Variants in RAX2 observed in about 807,000 individuals in gnomAD.
RAX2 encodes the protein retina and anterior neural fold homeobox protein 2.
In RAX2, 4 loss-of-function variants were observed where a neutral mutation model predicts 5.8. That is an observed-to-expected ratio of 0.69 (90% CI 0.34 to 1.58). The LOEUF (loss-of-function observed/expected upper bound fraction) is 1.58. Ranked by LOEUF, RAX2 falls within the 40% of genes most tolerant of loss-of-function variation. RAX2 has a pLI of 0.05. For synonymous variants in RAX2, 133 were observed against 128.8 expected (o/e 1.03, Z -0.22); for missense variants, 275 against 271.4 (o/e 1.01, Z -0.09).
Position 3,771,044 on chromosome 19 carries a change from C to T in RAX2, c.217-85G>A. On this transcript the variant is annotated intron_variant, in intron 2 of 2. Coordinates refer to ENST00000555633, the MANE Select transcript of RAX2 (RefSeq NM_001319074.4). This position sits in a 1 kb window ranked among gnomAD's most constrained non-coding sequence, Gnocchi z 4.2. ...CGGACCCCCTCTGCACACCCCAGCC[C>T]TGGGGGTTCTGACTCCCGTCTGACC... is the stretch of plus-strand genomic sequence containing the variant. The T allele has an allele frequency of 2.8e-6, 3 of 1,080,112 alleles. No individual in the cohort carries two copies. The highest frequency in any genetic ancestry group is 4.1e-6 in the Non-Finnish European group (3 of 736,826). 66.9% of individuals were successfully genotyped at this position (1,080,112 alleles called of 1,614,324 possible). A position where few individuals can be genotyped will look rare whatever the true frequency, so the allele number is the denominator to read the frequency against.
chr19:3,771,827 C>T lies in RAX2; in HGVS notation c.-85G>A. The T allele has an allele frequency of 6.8e-7, 1 of 1,478,118 alleles. No individual in the cohort carries two copies. The highest frequency in any genetic ancestry group is 9.0e-7 in the Non-Finnish European group (1 of 1,115,388). 91.6% of individuals were successfully genotyped at this position (1,478,118 alleles called of 1,614,324 possible). ...CCGGCAGGGACAGGGCAGGGGAGCC[C>T]CAGGCTTGCCTCCCGGCTCCGGGGA... On this transcript the variant is annotated 5_prime_UTR_variant, in exon 2 of 3. The change creates a premature stop within an existing upstream ORF in the 5' untranslated region. Coordinates refer to ENST00000555633, the MANE Select transcript of RAX2 (RefSeq NM_001319074.4). This position sits in a 1 kb window ranked among gnomAD's most constrained non-coding sequence, Gnocchi z 4.2.
At chr19:3,770,991 G>A in intron 2 of RAX2, 32 bp from the exon 3 acceptor site, 2 of 1,497,918 alleles carry the variant, frequency 1.3e-6, no homozygotes, top group Non-Finnish European at 9.0e-7. Context: ...GGGGGTTGCT[G>A]TGAGCTCAGC....
rs748592898 is a variant in RAX2, at chr19:3,770,592, C to T, written c.*29G>A. ...CACGTCCCCGGTTCTCGGGTTGGGC[C>T]GAGGAGGGGGCCCGGGAGGGCGGCA... is the stretch of plus-strand genomic sequence containing the variant. On this transcript the variant is annotated 3_prime_UTR_variant, in exon 3 of 3. Transcript: ENST00000555633. 2.2e-5 allele frequency: 34 copies of T among 1,525,278 alleles called. No individual in the cohort carries two copies. Among genetic ancestry groups the T allele is most frequent in the Middle Eastern group, 2.2e-4 (1 of 4,454 alleles). 94.5% of individuals were successfully genotyped at this position (1,525,278 alleles called of 1,614,324 possible). A position where few individuals can be genotyped will look rare whatever the true frequency, so the allele number is the denominator to read the frequency against.
In RAX2 at chr19:3,770,750, C is replaced by T; in HGVS notation, c.426G>A (p.Leu142=). The T allele has an allele frequency of 6.5e-7, 1 of 1,531,884 alleles. No homozygotes were observed. The highest frequency in any genetic ancestry group is 8.7e-7 in the Non-Finnish European group (1 of 1,145,022). 94.9% of individuals were successfully genotyped at this position (1,531,884 alleles called of 1,614,324 possible). The change falls in exon 3 of 3, where the codon CTG becomes CTA. Residue 142 remains leucine (L), a synonymous_variant. Coordinates refer to ENST00000555633, the MANE Select transcript of RAX2 (RefSeq NM_001319074.4). ...AGGCATGAGGCCCGAAGGACGCTTG[C>T]AGCCCCGGGCCCGGGCCCAGGAGGC... The part of the protein sequence containing the change: ...LPRLLGPGPG[L]QASFGPHAFA...
At chr19:3,772,102 G>A in intron 1 of RAX2, 61 bp downstream of exon 1, 2 of 464,138 alleles carry the variant, frequency 4.3e-6, no homozygotes, top group Non-Finnish European at 8.4e-6. Context: ...CCTCCACCCT[G>A]AGGGGATCTC....
Position 3,771,404 on chromosome 19 carries a change from C to G in RAX2, c.216+123G>C. On this transcript the variant is annotated intron_variant, in intron 2 of 2. Transcript: ENST00000555633. The surrounding 1 kb of genome is among the most constrained non-coding windows in gnomAD (Gnocchi z 4.2). ...ACTCAAATGTCAAAACCTCAGCTCCCACACCCCCTCCTCCAGGAAGCCTTC... is the reference window on the plus strand; with the variant it reads ...ACTCAAATGTCAAAACCTCAGCTCCGACACCCCCTCCTCCAGGAAGCCTTC... 1 of 805,124 alleles carries G rather than the reference C, an allele frequency of 1.2e-6. No homozygotes were observed. Among genetic ancestry groups the G allele is most frequent in the South Asian group, 1.5e-5 (1 of 65,222 alleles). 49.9% of individuals were successfully genotyped at this position (805,124 alleles called of 1,614,324 possible).
intron 2 of RAX2, 38 bp from the exon 3 acceptor site, chr19:3,770,997 TCA>T: frequency 6.8e-7 from 1 of 1,469,846 alleles, no homozygotes; most frequent in Non-Finnish European, 9.2e-7. Context: ...TGCTGTGAGC[TCA>T]GCCGCTCCCC....
In RAX2 at chr19:3,771,922, G is replaced by T; in HGVS notation, c.-180C>A. The T allele has an allele frequency of 8.7e-7, 1 of 1,155,328 alleles. No homozygotes were observed. Among genetic ancestry groups the T allele is most frequent in the Non-Finnish European group, 1.2e-6 (1 of 843,300 alleles). 71.6% of individuals were successfully genotyped at this position (1,155,328 alleles called of 1,614,324 possible). ...GGCTGTCCTCCTCGGGCTTGGGGGG[G>T]TCTCCTGCTGTGCCTCTGTCTGCTC... is the stretch of plus-strand genomic sequence containing the variant. On this transcript the variant is annotated 5_prime_UTR_variant, in exon 2 of 3. Coordinates refer to ENST00000555633, the MANE Select transcript of RAX2 (RefSeq NM_001319074.4). The surrounding 1 kb of genome is among the most constrained non-coding windows in gnomAD (Gnocchi z 4.2).
At position 3,772,028 on chromosome 19, in the gene RAX2, G is replaced by GGA; in HGVS notation, c.-268-19_-268-18insTC. 2.0e-6 allele frequency: 1 copy of GGA among 489,728 alleles called. No homozygotes were observed. The highest frequency in any genetic ancestry group is 2.0e-5 in the South Asian group (1 of 49,786). 30.3% of individuals were successfully genotyped at this position (489,728 alleles called of 1,614,324 possible). On this transcript the variant is annotated intron_variant, in intron 1 of 2. Transcript: ENST00000555633. Reference sequence around the variant, plus strand: ...GTCACGGCCTGTGTGTGTGTGTGTCGGCGGGGGGGGGTCAAGGATGCCCCC... The same window carrying GGA: ...GTCACGGCCTGTGTGTGTGTGTGTCGGAGCGGGGGGGGGTCAAGGATGCCCCC...
rs2037261134 is a variant in RAX2 at position 3,771,541 on chromosome 19, CAGGT to C, written c.198_201del (p.Pro67ArgfsTer146). The C allele has an allele frequency of 6.2e-7, 1 of 1,603,428 alleles. No individual in the cohort carries two copies. Among genetic ancestry groups the C allele is most frequent in the Admixed American group, 1.7e-5 (1 of 58,056 alleles). ...GGTGCCCTCACCTGCACGCGCACCT[CAGGT>C]AGGTGCACCTTGGCTGCCAGCTCCT... is the stretch of plus-strand genomic sequence containing the variant. On this transcript the variant is annotated frameshift_variant, in exon 2 of 3. Transcript: ENST00000555633. LOFTEE classifies it low-confidence loss of function (END_TRUNC). The surrounding 1 kb of genome is among the most constrained non-coding windows in gnomAD (Gnocchi z 4.2).
chr19:3,772,036 G>GGA lies in RAX2; in HGVS notation c.-268-27_-268-26insTC, dbSNP rs1413639155. 9.7e-4 allele frequency: 495 copies of GGA among 512,480 alleles called. 7 individuals carry two copies. The highest frequency in any genetic ancestry group is 9.2e-4 in the Non-Finnish European group (256 of 279,470). The allele number at this position is 512,480 out of a possible 1,614,324, so 31.7% of individuals were successfully genotyped here. A position where few individuals can be genotyped will look rare whatever the true frequency, so the allele number is the denominator to read the frequency against. ...CTGTGTGTGTGTGTGTCGGCGGGGGGGGGTCAAGGATGCCCCCCCGTCAAG... is the reference window on the plus strand; with the variant it reads ...CTGTGTGTGTGTGTGTCGGCGGGGGGGAGGGTCAAGGATGCCCCCCCGTCAAG... On this transcript the variant is annotated intron_variant, in intron 1 of 2. Transcript: ENST00000555633.
Position 3,770,696 on chromosome 19 carries a change from G to T in RAX2, c.480C>A (p.Ala160=). ...AFAPTFADGF[A]LEEASLRLLA... is the part of the protein sequence containing the mutation. The stretch of plus-strand genomic sequence containing the variant: ...GCAGCCGCAGGGACGCCTCCTCCAG[G>T]GCGAAGCCATCTGCGAAGGTGGGAG... The change falls in exon 3 of 3, where the codon GCC becomes GCA. Residue 160 remains alanine, a synonymous_variant. Coordinates refer to ENST00000555633, the MANE Select transcript of RAX2 (RefSeq NM_001319074.4). 1 of 1,535,828 alleles carries T rather than the reference G, an allele frequency of 6.5e-7. No homozygotes were observed. Among genetic ancestry groups the T allele is most frequent in the African/African-American group, 1.4e-5 (1 of 73,092 alleles).
rs532025456 is a variant in RAX2 at position 3,771,856 on chromosome 19, C to T, written c.-114G>A. 1.9e-5 allele frequency: 27 copies of T among 1,457,042 alleles called. No homozygotes were observed. In the African/African-American group the frequency reaches 3.0e-4, roughly 16 times the overall value. The allele number at this position is 1,457,042 out of a possible 1,614,324, so 90.3% of individuals were successfully genotyped here. On this transcript the variant is annotated 5_prime_UTR_variant, in exon 2 of 3. Coordinates refer to ENST00000555633, the MANE Select transcript of RAX2 (RefSeq NM_001319074.4). This position sits in a 1 kb window ranked among gnomAD's most constrained non-coding sequence, Gnocchi z 4.2. ...GCTTGCCTCCCGGCTCCGGGGAAATCGGTTCCCTCCACTGGGGCCGGCATG... is the reference window on the plus strand; with the variant it reads ...GCTTGCCTCCCGGCTCCGGGGAAATTGGTTCCCTCCACTGGGGCCGGCATG...
rs778410291 is a variant in RAX2, at chr19:3,770,613, C to T, written c.*8G>A. 54 of 1,531,140 alleles carry T rather than the reference C, an allele frequency of 3.5e-5. 1 individual carries two copies. The highest frequency in any genetic ancestry group is 1.1e-4 in the South Asian group (9 of 83,864). 94.8% of individuals were successfully genotyped at this position (1,531,140 alleles called of 1,614,324 possible). On this transcript the variant is annotated 3_prime_UTR_variant, in exon 3 of 3. Transcript: ENST00000555633. The stretch of plus-strand genomic sequence containing the variant: ...GGGCCGAGGAGGGGGCCCGGGAGGG[C>T]GGCAGGCTCAGGCTGGCGGCCAGGC...
In RAX2 at chr19:3,771,346, A is replaced by T. The variant is rs1386707957; in HGVS notation, c.216+181T>A. Among the ~76,000 whole-genome samples, 1 of 148,510 alleles carries T rather than the reference A, an allele frequency of 6.7e-6. No individual in the cohort carries two copies. The highest frequency in any genetic ancestry group is 2.5e-5 in the African/African-American group (1 of 39,990). ...CACACTGTTCAGGATGCCTAGAAAA[A>T]CTCCCCTTTTCCTTCCCAGCTGGCA... On this transcript the variant is annotated intron_variant, in intron 2 of 2. Transcript: ENST00000555633. This position sits in a 1 kb window ranked among gnomAD's most constrained non-coding sequence, Gnocchi z 4.2.
Position 3,770,557 on chromosome 19 carries a change from G to T in RAX2, c.*64C>A. The T allele has an allele frequency of 6.9e-7, 1 of 1,442,142 alleles. No homozygotes were observed. The highest frequency in any genetic ancestry group is 2.0e-5 in the Admixed American group (1 of 49,166). The allele number at this position is 1,442,142 out of a possible 1,614,324, so 89.3% of individuals were successfully genotyped here. On this transcript the variant is annotated 3_prime_UTR_variant, in exon 3 of 3. Coordinates refer to ENST00000555633, the MANE Select transcript of RAX2 (RefSeq NM_001319074.4). Reference sequence around the variant, plus strand: ...CGGCCTAGGCCAAGGCGTGGTGGCTGTCACCAGGGCACGTCCCCGGTTCTC... The same window carrying T: ...CGGCCTAGGCCAAGGCGTGGTGGCTTTCACCAGGGCACGTCCCCGGTTCTC...
chr19:3,770,300 C>A lies in RAX2; in HGVS notation c.*321G>T. The A allele has an allele frequency of 2.4e-6, 1 of 417,946 alleles. No individual in the cohort carries two copies. Among genetic ancestry groups the A allele is most frequent in the Non-Finnish European group, 4.3e-6 (1 of 234,256 alleles). 25.9% of individuals were successfully genotyped at this position (417,946 alleles called of 1,614,324 possible). A position where few individuals can be genotyped will look rare whatever the true frequency, so the allele number is the denominator to read the frequency against. On this transcript the variant is annotated 3_prime_UTR_variant, in exon 3 of 3. Coordinates refer to ENST00000555633, the MANE Select transcript of RAX2 (RefSeq NM_001319074.4). ...AGCCCTCGAACCTCGGAGGCCCCCACGCCCAATTAACAGACAGGAGACTGA... is the reference window on the plus strand; with the variant it reads ...AGCCCTCGAACCTCGGAGGCCCCCAAGCCCAATTAACAGACAGGAGACTGA...
At position 3,771,566 on chromosome 19, in the gene RAX2, C is replaced by A. The variant is rs569526421; in HGVS notation, c.177G>T (p.Glu59Asp). Reference protein sequence around the residue: ...SHYPDVYSREELAAKVHLPEV... With the variant: ...SHYPDVYSREDLAAKVHLPEV... ...CAGGTAGGTGCACCTTGGCTGCCAG[C>A]TCCTCACGGCTGTACACATCCGGGT... The change falls in exon 2 of 3, where the codon GAG becomes GAT. Residue 59 changes from glutamate to aspartate, a missense_variant. Glu to Asp is a conservative substitution (Grantham distance 45). Transcript: ENST00000555633. The surrounding 1 kb of genome is among the most constrained non-coding windows in gnomAD (Gnocchi z 4.2). 6.2e-7 allele frequency: 1 copy of A among 1,609,788 alleles called. No homozygotes were observed. The highest frequency in any genetic ancestry group is 2.2e-5 in the East Asian group (1 of 44,756).
At position 3,771,809 on chromosome 19, in the gene RAX2, G is replaced by T; in HGVS notation, c.-67C>A. 6.6e-7 allele frequency: 1 copy of T among 1,510,026 alleles called. No individual in the cohort carries two copies. Among genetic ancestry groups the T allele is most frequent in the Admixed American group, 2.0e-5 (1 of 49,836 alleles). 93.5% of individuals were successfully genotyped at this position (1,510,026 alleles called of 1,614,324 possible). ...AGACGGCTGGGGGGGCTACCGGCAG[G>T]GACAGGGCAGGGGAGCCCCAGGCTT... On this transcript the variant is annotated 5_prime_UTR_variant, in exon 2 of 3. Transcript: ENST00000555633. This position sits in a 1 kb window ranked among gnomAD's most constrained non-coding sequence, Gnocchi z 4.2.
Sources: allele counts gnomAD v4.1 joint callset (sites outside exome capture counted in the v4.1 genomes callset), GRCh38; gene constraint gnomAD v4.1.1; non-coding constraint Gnocchi (gnomAD v3.1); transcripts MANE v1.5; gene names NCBI Gene and HGNC (gene_info 2026-07-23, HGNC 2026-07-21).